Variants in CLPTM1L observed in about 807,000 individuals in gnomAD.
The protein encoded by CLPTM1L is lipid scramblase CLPTM1L.
In CLPTM1L, 38 loss-of-function variants were observed where a neutral mutation model predicts 70.9. That is an observed-to-expected ratio of 0.54 (90% CI 0.41 to 0.70). CLPTM1L has a LOEUF of 0.70. Ranked by LOEUF, CLPTM1L falls within the 30% of genes least tolerant of loss-of-function variation. The pLI is 0.00. For synonymous variants in CLPTM1L, 339 were observed against 299.9 expected (o/e 1.13, Z -1.35); for missense variants, 652 against 705.9 (o/e 0.92, Z 0.87).
chr5:1,324,061 C>T, intron 11 of CLPTM1L, 192 bp from the exon 12 acceptor site: 1 of 588,964 alleles, frequency 1.7e-6, no homozygotes, highest in Non-Finnish European at 3.0e-6. Context: ...CCAGGAGGCA[C>T]CGCACACGCC....
chr5:1,335,271 T>C (rs1753499377), intron 5 of CLPTM1L, 97 bp from the exon 6 acceptor site: 5 of 630,584 alleles, frequency 7.9e-6, no homozygotes, highest in Non-Finnish European at 1.4e-5. Flanking sequence ...TTCCCATCCC[T>C]GTGTGGCCCC....
chr5:1,331,387 G>A (rs192191976), intron 8 of CLPTM1L: 2 of 230,878 alleles, frequency 8.7e-6, no homozygotes, highest in African/African-American at 2.2e-5. Context: ...CCAGGCCTGC[G>A]CTGGTCGGGG....
At chr5:1,328,755 T>C (rs1276043281) in intron 9 of CLPTM1L, among the ~76,000 whole-genome samples, 1 of 151,146 alleles carries the variant, frequency 6.6e-6, no homozygotes, top group African/African-American at 2.5e-5. Flanking sequence ...CAGCTCCTCC[T>C]CTACAGGGAC....
At chr5:1,344,568 A>T in intron 1 of CLPTM1L, 112 bp downstream of exon 1, 1 of 1,458,504 alleles carries the variant, frequency 6.9e-7, no homozygotes. Context: ...GAAAGGTTCC[A>T]TCTCGACTCG....
intron 7 of CLPTM1L, among the ~76,000 whole-genome samples, chr5:1,332,792 T>A (rs1381410384): frequency 6.6e-6 from 1 of 152,258 alleles, no homozygotes; most frequent in East Asian, 1.9e-4. Flanking sequence ...ACTTATAAAT[T>A]GAACTTTATC....
chr5:1,341,827 T>C lies in CLPTM1L; in HGVS notation c.297A>G (p.Arg99=). ...TGTAGGCATACAGCGTCCCATTGTT[T>C]CTCGTTTTCTTTGGTACAGAAACAT... The part of the protein sequence containing the change: ...TVNVSVPKKT[R]NNGTLYAYIF... The change falls in exon 3 of 17, where the codon AGA becomes AGG. Residue 99 remains arginine, a synonymous_variant. Transcript: ENST00000320895. The C allele has an allele frequency of 6.2e-7, 1 of 1,613,882 alleles. No homozygotes were observed. Among genetic ancestry groups the C allele is most frequent in the South Asian group, 1.1e-5 (1 of 91,066 alleles).
chr5:1,321,145 G>A (rs1234277282), intron 15 of CLPTM1L, among the ~76,000 whole-genome samples: 1 of 152,234 alleles, frequency 6.6e-6, no homozygotes, highest in African/African-American at 2.4e-5. Flanking sequence ...CTGGGAGCTT[G>A]TAATTGACTT....
chr5:1,334,065 C>G (rs577146827), intron 7 of CLPTM1L, among the ~76,000 whole-genome samples: 1 of 152,130 alleles, frequency 6.6e-6, no homozygotes, highest in Non-Finnish European at 1.5e-5. Context: ...AGGCTGTGGA[C>G]GGAGCTTTAT....
At chr5:1,326,142 C>A in intron 9 of CLPTM1L, 1 of 360,638 alleles carries the variant, frequency 2.8e-6, no homozygotes, top group Non-Finnish European at 5.1e-6. Flanking sequence ...CTCGGGCAGC[C>A]CTGGAGCCAG....
At chr5:1,344,501 C>G in intron 1 of CLPTM1L, 50 bp from the exon 2 acceptor site, 5 of 1,551,450 alleles carry the variant, frequency 3.2e-6, no homozygotes, top group South Asian at 1.1e-5. Flanking sequence ...CCTGGCAGGA[C>G]GCACTCAAAT....
intron 13 of CLPTM1L, 88 bp from the exon 14 acceptor site, chr5:1,321,907 C>G: frequency 8.4e-7 from 1 of 1,186,872 alleles, no homozygotes; most frequent in African/African-American, 1.5e-5. Context: ...TGTGGAGGGC[C>G]GAGCTGCCAC....
At chr5:1,338,739 G>C in intron 4 of CLPTM1L, 121 bp downstream of exon 4, 1 of 1,139,472 alleles carries the variant, frequency 8.8e-7, no homozygotes, top group Non-Finnish European at 1.3e-6. Flanking sequence ...GGGAGGCCCG[G>C]GCAGCAAGTG....
chr5:1,330,447 C>T, intron 8 of CLPTM1L, 64 bp from the exon 9 acceptor site: 1 of 1,341,122 alleles, frequency 7.5e-7, no homozygotes, highest in African/African-American at 1.4e-5. Context: ...TTCCCCAAGT[C>T]ACACACATAC....
At chr5:1,320,409 G>A (rs957181718) in intron 16 of CLPTM1L, 23 of 459,112 alleles carry the variant, frequency 5.0e-5, no homozygotes, top group Middle Eastern at 5.5e-4. Context: ...ACAGTGAGGA[G>A]ACAGAGCTGG....
chr5:1,318,337 T>C lies in CLPTM1L; in HGVS notation c.*32A>G, dbSNP rs1751950544. ...CAAAAATACTCATTGACAATTCAAG[T>C]TGCACTTGGCTGGCGGCAGCCCGGG... On this transcript the variant is annotated 3_prime_UTR_variant, in exon 17 of 17. Transcript: ENST00000320895. The surrounding 1 kb of genome is among the most constrained non-coding windows in gnomAD (Gnocchi z 8.9). 1.3e-6 allele frequency: 2 copies of C among 1,573,600 alleles called. No homozygotes were observed. Among genetic ancestry groups the C allele is most frequent in the Admixed American group, 1.7e-5 (1 of 59,210 alleles).
At chr5:1,330,587 A>G (rs1753022044) in intron 8 of CLPTM1L, 2 of 561,668 alleles carry the variant, frequency 3.6e-6, no homozygotes, top group Non-Finnish European at 6.4e-6. Context: ...GCTGAACTGA[A>G]CAGCTGGCCC....
At chr5:1,332,888 C>T (rs906916891) in intron 7 of CLPTM1L, among the ~76,000 whole-genome samples, 2 of 152,182 alleles carry the variant, frequency 1.3e-5, no homozygotes, top group Admixed American at 1.3e-4. Context: ...TGAACACACC[C>T]CCTGAGGATG....
At chr5:1,334,028 C>G (rs2111239043) in intron 7 of CLPTM1L, among the ~76,000 whole-genome samples, 1 of 152,242 alleles carries the variant, frequency 6.6e-6, no homozygotes, top group South Asian at 2.1e-4. Flanking sequence ...AAAACCGCCC[C>G]CAAAGCCAGC....
intron 9 of CLPTM1L, 80 bp downstream of exon 9, chr5:1,330,200 G>T (rs2111225579): frequency 8.5e-7 from 1 of 1,174,772 alleles, no homozygotes; most frequent in Non-Finnish European, 1.3e-6. Context: ...GAAGGTCTCA[G>T]GTCCCGGGGC....
Sources: allele counts gnomAD v4.1 joint callset (sites outside exome capture counted in the v4.1 genomes callset), GRCh38; gene constraint gnomAD v4.1.1; non-coding constraint Gnocchi (gnomAD v3.1); transcripts MANE v1.5; gene names NCBI Gene and HGNC (gene_info 2026-07-23, HGNC 2026-07-21).